Variants in PTPRD observed in about 807,000 individuals in gnomAD.
The protein encoded by PTPRD is receptor-type tyrosine-protein phosphatase delta.
PTPRD carries 34 observed loss-of-function variants against 214.5 expected under a neutral mutation model. That is an observed-to-expected ratio of 0.16 (90% CI 0.12 to 0.21). The LOEUF is 0.21. Among genes scored for constraint, PTPRD ranks in the 10% least tolerant of loss-of-function variants. PTPRD has a pLI of 1.00. For missense variants in PTPRD, 2,545 were observed against 2,398.7 expected (o/e 1.06, Z -1.27); for synonymous variants, 1,128 against 845.7 (o/e 1.33, Z -5.79).
intron 8 of PTPRD, among the ~76,000 whole-genome samples, chr9:9,476,073 T>G (rs1203232946): frequency 1.3e-5 from 2 of 152,148 alleles, no homozygotes; most frequent in Admixed American, 1.3e-4. Context: ...AGAATTGAAG[T>G]TGAGAATCCA....
chr9:9,367,750 C>T (rs1308946892), intron 9 of PTPRD, among the ~76,000 whole-genome samples: 2 of 151,680 alleles, frequency 1.3e-5, no homozygotes, highest in African/African-American at 2.4e-5. Context: ...CACAGGCTCA[C>T]ATATTATATG....
At chr9:9,991,844 AC>A (rs2095942506) in intron 4 of PTPRD, among the ~76,000 whole-genome samples, 1 of 147,946 alleles carries the variant, frequency 6.8e-6, no homozygotes, top group African/African-American at 2.6e-5. Flanking sequence ...ACACACACAC[AC>A]ACACACACAC....
At chr9:9,249,615 CCTT>C (rs1407254603) in intron 9 of PTPRD, among the ~76,000 whole-genome samples, 1 of 152,058 alleles carries the variant, frequency 6.6e-6, no homozygotes, top group Non-Finnish European at 1.5e-5. Flanking sequence ...CCCTCTTCCT[CCTT>C]CTTTCTCTTG....
chr9:9,458,029 A>C (rs985822766), intron 8 of PTPRD, among the ~76,000 whole-genome samples: 7 of 152,128 alleles, frequency 4.6e-5, no homozygotes, highest in African/African-American at 1.2e-4. Context: ...TCATTAATCT[A>C]TAAAATTTGG....
intron 14 of PTPRD, among the ~76,000 whole-genome samples, chr9:8,557,741 T>A: frequency 1.2e-5 from 1 of 86,736 alleles, no homozygotes; most frequent in Admixed American, 1.4e-4. Flanking sequence ...AGACTGTCTC[T>A]CAATAAAAAA....
intron 39 of PTPRD, among the ~76,000 whole-genome samples, chr9:8,354,415 G>T (rs368080138): frequency 2.0e-5 from 3 of 152,146 alleles, no homozygotes; most frequent in South Asian, 2.1e-4. Flanking sequence ...ACACCAATAC[G>T]AAAAATTTAA....
intron 3 of PTPRD, among the ~76,000 whole-genome samples, chr9:10,168,285 A>C (rs948901926): frequency 3.3e-5 from 5 of 152,144 alleles, no homozygotes; most frequent in African/African-American, 7.2e-5. Context: ...TAAGTCATGA[A>C]GTTTATATAG....
chr9:8,796,912 A>G (rs13290674), intron 11 of PTPRD, among the ~76,000 whole-genome samples: 28,063 of 151,782 alleles, frequency 0.18, 2,946 homozygotes, highest in Admixed American at 0.23. Flanking sequence ...TTATATTCAG[A>G]GTATTTTCCA....
chr9:9,711,586 G>T (rs930168643), intron 7 of PTPRD, among the ~76,000 whole-genome samples: 3 of 151,938 alleles, frequency 2.0e-5, no homozygotes, highest in Non-Finnish European at 4.4e-5. Flanking sequence ...ATTTCTATTG[G>T]AGCTATGTCC....
chr9:10,562,430 T>C (rs960528735), intron 2 of PTPRD, among the ~76,000 whole-genome samples: 4 of 152,072 alleles, frequency 2.6e-5, no homozygotes, highest in African/African-American at 9.7e-5. Flanking sequence ...TTTGTCTGTT[T>C]TGTTAAGGGA....
intron 2 of PTPRD, among the ~76,000 whole-genome samples, chr9:10,366,880 A>G (rs1021527222): frequency 6.6e-6 from 1 of 152,164 alleles, no homozygotes; most frequent in Non-Finnish European, 1.5e-5. Context: ...AGAGAAGACT[A>G]TGAGTATAGA....
chr9:10,567,327 AT>A (rs2065930097), intron 2 of PTPRD, among the ~76,000 whole-genome samples: 1 of 152,174 alleles, frequency 6.6e-6, no homozygotes, highest in Non-Finnish European at 1.5e-5. Flanking sequence ...CATATTCATA[AT>A]AATACAAATT....
chr9:9,738,936 G>T (rs191040150), intron 6 of PTPRD, among the ~76,000 whole-genome samples: 1 of 151,962 alleles, frequency 6.6e-6, no homozygotes, highest in African/African-American at 2.4e-5. Flanking sequence ...ATTCTGATTT[G>T]ATATTTTTAT....
At chr9:8,517,521 T>C (rs1299703173) in intron 21 of PTPRD, among the ~76,000 whole-genome samples, 1 of 152,208 alleles carries the variant, frequency 6.6e-6, no homozygotes, top group Non-Finnish European at 1.5e-5. Context: ...CACTCTACCA[T>C]ACTAGCTATT....
chr9:10,381,817 G>T (rs11999844), intron 2 of PTPRD, among the ~76,000 whole-genome samples: 4,541 of 151,960 alleles, frequency 0.03, 118 homozygotes, highest in South Asian at 0.093. Flanking sequence ...TATTATAACT[G>T]CTAGGTATTT....
intron 4 of PTPRD, among the ~76,000 whole-genome samples, chr9:9,954,044 C>A (rs192474628): frequency 2.5e-4 from 38 of 152,020 alleles, no homozygotes; most frequent in African/African-American, 8.7e-4. Flanking sequence ...TGCTGGTAAT[C>A]CCAGCACTTT....
At chr9:9,368,343 T>C (rs1231446550) in intron 9 of PTPRD, among the ~76,000 whole-genome samples, 2 of 151,768 alleles carry the variant, frequency 1.3e-5, no homozygotes, top group Non-Finnish European at 2.9e-5. Flanking sequence ...CTAGCATAAA[T>C]CGGGCATAGG....
In PTPRD at chr9:9,275,199, T is replaced by TATATATGTTATATATATATA. The variant is rs1491465404; in HGVS notation, c.-202-91837_-202-91836insTATATATATATAACATATAT. On this transcript the variant is annotated intron_variant, in intron 9 of 45. Coordinates refer to ENST00000381196, the MANE Select transcript of PTPRD (RefSeq NM_002839.4). Reference sequence around the variant, plus strand: ...AATATATATGTTATATATATATATATTATATATATATATATATAACCATTA... The same window carrying TATATATGTTATATATATATA: ...AATATATATGTTATATATATATATATATATATGTTATATATATATATATATATATATATATATAACCATTA... Among the ~76,000 whole-genome samples, 66 of 10,398 alleles carry TATATATGTTATATATATATA rather than the reference T, an allele frequency of 6.3e-3. 1 individual carries two copies. Among genetic ancestry groups the TATATATGTTATATATATATA allele is most frequent in the African/African-American group, 0.016 (64 of 4,100 alleles). 6.8% of individuals were successfully genotyped at this position (10,398 alleles called of 152,430 possible). A position where few individuals can be genotyped will look rare whatever the true frequency, so the allele number is the denominator to read the frequency against.
intron 11 of PTPRD, among the ~76,000 whole-genome samples, chr9:8,895,494 C>T (rs986559559): frequency 6.6e-6 from 1 of 152,148 alleles, no homozygotes; most frequent in Non-Finnish European, 1.5e-5. Flanking sequence ...GATAATAGAA[C>T]TTTCAAACAG....
Sources: gnomAD v4.1 joint callset for allele counts (sites outside exome capture counted in the v4.1 genomes callset) on GRCh38, gnomAD v4.1.1 for gene constraint, MANE v1.5 for transcripts, NCBI Gene and HGNC (gene_info 2026-07-23, HGNC 2026-07-21) for gene names.